Variants in ITPRID1 observed in about 807,000 individuals in gnomAD.
The protein encoded by ITPRID1 is protein ITPRID1.
In ITPRID1, 96 loss-of-function variants were observed where a neutral mutation model predicts 95.4. The ratio of observed to expected loss-of-function variants is 1.01; its 90% CI spans 0.85 to 1.19. The LOEUF is 1.19. Among genes scored for constraint, ITPRID1 ranks in the 50% most tolerant of loss-of-function variants. The pLI is 0.00. For synonymous variants in ITPRID1, 510 were observed against 453.6 expected (o/e 1.12, Z -1.58); for missense variants, 1,339 against 1,252.9 (o/e 1.07, Z -1.04).
chr7:31,615,286 G>T (rs1028646510), intron 10 of ITPRID1, among the ~76,000 whole-genome samples: 1 of 152,102 alleles, frequency 6.6e-6, no homozygotes, highest in Non-Finnish European at 1.5e-5. Flanking sequence ...ATAGGATCAG[G>T]TCATAAGTAT....
At chr7:31,560,013 A>G (rs1230278894) in intron 5 of ITPRID1, among the ~76,000 whole-genome samples, 1 of 152,236 alleles carries the variant, frequency 6.6e-6, no homozygotes, top group African/African-American at 2.4e-5. Context: ...ATAGTGATAG[A>G]GACAATAAAC....
intron 10 of ITPRID1, among the ~76,000 whole-genome samples, chr7:31,584,522 C>T (rs970225137): frequency 9.9e-5 from 15 of 151,554 alleles, no homozygotes; most frequent in African/African-American, 3.6e-4. Context: ...CCATGTAAGT[C>T]GCCCCAATCA....
intron 8 of ITPRID1, among the ~76,000 whole-genome samples, chr7:31,577,281 T>A (rs1392588581): frequency 1.3e-5 from 2 of 152,244 alleles, no homozygotes. Context: ...ACTGGCCATT[T>A]ACTATGTGCC....
At chr7:31,594,248 G>GT (rs1785983390) in intron 10 of ITPRID1, among the ~76,000 whole-genome samples, 1 of 152,142 alleles carries the variant, frequency 6.6e-6, no homozygotes, top group African/African-American at 2.4e-5. Context: ...CTGAGTTTGT[G>GT]TAAGTCCACT....
At chr7:31,639,213 T>G (rs1789774878) in intron 10 of ITPRID1, among the ~76,000 whole-genome samples, 1 of 152,226 alleles carries the variant, frequency 6.6e-6, no homozygotes, top group South Asian at 2.1e-4. Context: ...ATTTTTCAGT[T>G]ACCTATACCT....
Position 31,643,014 on chromosome 7 carries a change from T to C in ITPRID1, c.1644T>C (p.His548=), listed in dbSNP as rs2128210351. The change falls in exon 12 of 15, where the codon CAT becomes CAC. Residue 548 remains histidine, a synonymous_variant. Transcript: ENST00000615280. ...SHLWQLLPMP[H]AEYEVTRPTA... Reference sequence around the variant, plus strand: ...TGTGGCAGCTTCTGCCAATGCCCCATGCTGAGTATGAGGTCACCAGACCCA... The same window carrying C: ...TGTGGCAGCTTCTGCCAATGCCCCACGCTGAGTATGAGGTCACCAGACCCA... 1.2e-6 allele frequency: 2 copies of C among 1,614,000 alleles called. No homozygotes were observed. The highest frequency in any genetic ancestry group is 1.7e-6 in the Non-Finnish European group (2 of 1,179,880).
intron 2 of ITPRID1, among the ~76,000 whole-genome samples, chr7:31,549,859 G>T (rs867810209): frequency 2.0e-5 from 3 of 152,208 alleles, no homozygotes; most frequent in Middle Eastern, 3.4e-3. Flanking sequence ...AACCTGTTTG[G>T]CAAGAAAACC....
At chr7:31,543,743 T>C (rs1349466511) in intron 1 of ITPRID1, among the ~76,000 whole-genome samples, 1 of 152,128 alleles carries the variant, frequency 6.6e-6, no homozygotes, top group Non-Finnish European at 1.5e-5. Flanking sequence ...ACACTATATT[T>C]TACAAAGCAG....
Position 31,643,215 on chromosome 7 carries a change from G to A in ITPRID1, c.1845G>A (p.Glu615=), listed in dbSNP as rs1359658486. The A allele has an allele frequency of 1.2e-6, 2 of 1,613,906 alleles. No individual in the cohort carries two copies. The highest frequency in any genetic ancestry group is 2.2e-5 in the East Asian group (1 of 44,874). The change falls in exon 12 of 15, where the codon GAG becomes GAA. Residue 615 remains glutamate, a synonymous_variant. Transcript: ENST00000615280. ...TQDKFLHVDS[E]APREEESSGF... is the part of the protein sequence containing the mutation. ...ACAAGTTCCTTCATGTTGACTCTGA[G>A]GCCCCACGAGAAGAGGAAAGCAGTG... is the stretch of plus-strand genomic sequence containing the variant.
At chr7:31,555,719 A>T (rs1232620302) in intron 5 of ITPRID1, among the ~76,000 whole-genome samples, 1 of 152,310 alleles carries the variant, frequency 6.6e-6, no homozygotes, top group South Asian at 2.1e-4. Flanking sequence ...AGATGAAAAA[A>T]TTATTAGTCT....
At chr7:31,522,696 G>C (rs1242347893) in intron 1 of ITPRID1, among the ~76,000 whole-genome samples, 1 of 152,158 alleles carries the variant, frequency 6.6e-6, no homozygotes, top group Non-Finnish European at 1.5e-5. Context: ...CATGATGCTA[G>C]GCATTAGACA....
chr7:31,566,266 C>T (rs767446763), intron 5 of ITPRID1, among the ~76,000 whole-genome samples: 9 of 152,204 alleles, frequency 5.9e-5, no homozygotes, highest in South Asian at 2.1e-4. Flanking sequence ...TATCTGAAAA[C>T]GGATCATTTC....
rs898796738 is a variant in ITPRID1 at position 31,580,687 on chromosome 7, T to A, written c.1170+2253T>A. On this transcript the variant is annotated intron_variant, in intron 9 of 14. Transcript: ENST00000615280. ...AAAATAAAGCAAACAAAATCACATGTTTCTTCGGCACATAGTAGGTACTTA... is the reference window on the plus strand; with the variant it reads ...AAAATAAAGCAAACAAAATCACATGATTCTTCGGCACATAGTAGGTACTTA... Among the ~76,000 whole-genome samples, 10 of 152,240 alleles carry A rather than the reference T, an allele frequency of 6.6e-5. No homozygotes were observed. In the East Asian group the frequency reaches 9.6e-4, roughly 15 times the overall value.
intron 10 of ITPRID1, among the ~76,000 whole-genome samples, chr7:31,600,808 G>C (rs1359882405): frequency 6.6e-6 from 1 of 152,138 alleles, no homozygotes; most frequent in African/African-American, 2.4e-5. Context: ...TGCATGCCCA[G>C]GAAGTTGCTT....
chr7:31,644,313 T>G (rs923141708), intron 12 of ITPRID1, among the ~76,000 whole-genome samples: 2 of 152,180 alleles, frequency 1.3e-5, no homozygotes, highest in African/African-American at 4.8e-5. Context: ...TTAAATTCGT[T>G]TAGCTATATA....
chr7:31,553,222 C>A, intron 3 of ITPRID1, 35 bp downstream of exon 3: 1 of 1,529,518 alleles, frequency 6.5e-7, no homozygotes, highest in Non-Finnish European at 8.8e-7. Context: ...TGAAAACATT[C>A]CTCTGTGAGT....
chr7:31,631,359 A>C (rs541264112), intron 10 of ITPRID1, among the ~76,000 whole-genome samples: 1 of 152,368 alleles, frequency 6.6e-6, no homozygotes, highest in Admixed American at 6.5e-5. Flanking sequence ...AACAAGATAT[A>C]AAATGTGTAT....
rs1237287351 is a variant in ITPRID1, at chr7:31,650,595, G to A, written c.2584-547G>A. 2.0e-5 allele frequency among the ~76,000 whole-genome samples: 3 copies of A among 152,120 alleles called. No individual in the cohort carries two copies. In the East Asian group the frequency reaches 5.8e-4, roughly 29 times the overall value. On this transcript the variant is annotated intron_variant, in intron 12 of 14. Coordinates refer to ENST00000615280, the MANE Select transcript of ITPRID1 (RefSeq NM_001257967.3). ...AACCTTTGCCTGCCTTCCTCAGGGT[G>A]GGCTTGTTAGGTGGATGAAGCTGAT...
downstream of ITPRID1, chr7:31,658,469 G>T: frequency 7.8e-7 from 1 of 1,289,990 alleles, no homozygotes; most frequent in Non-Finnish European, 1.0e-6. Context: ...TTTGTAAAGA[G>T]GTTAGAGTAT....
Sources: allele counts gnomAD v4.1 joint callset (sites outside exome capture counted in the v4.1 genomes callset), GRCh38; gene constraint gnomAD v4.1.1; transcripts MANE v1.5; gene names NCBI Gene and HGNC (gene_info 2026-07-23, HGNC 2026-07-21).